The following DNAJC25 variants were observed in gnomAD, a reference collection of about 807,000 sequenced individuals.
DNAJC25 encodes dnaJ homolog subfamily C member 25.
A neutral mutation model predicts 42.1 loss-of-function variants in DNAJC25; 26 were observed. The ratio of observed to expected loss-of-function variants is 0.62; its 90% CI spans 0.45 to 0.86. The LOEUF (loss-of-function observed/expected upper bound fraction) is 0.86, where lower values mean the gene tolerates loss of function less well. Ranked by LOEUF, DNAJC25 falls within the 40% of genes least tolerant of loss-of-function variation. The pLI is 0.00. For missense variants in DNAJC25, 404 were observed against 459.4 expected (o/e 0.88, Z 1.10); for synonymous variants, 189 against 179.9 (o/e 1.05, Z -0.40).
chr9:111,646,315 A>T (rs1830567413), intron 1 of DNAJC25, among the ~76,000 whole-genome samples: 3 of 152,202 alleles, frequency 2.0e-5, no homozygotes, highest in Non-Finnish European at 4.4e-5. Flanking sequence ...ATCAGAGAAT[A>T]TATTTTTTTA....
Position 111,649,736 on chromosome 9 carries a change from C to T in DNAJC25, c.773C>T (p.Ser258Leu), listed in dbSNP as rs771739888. 3.7e-6 allele frequency: 6 copies of T among 1,613,864 alleles called. No individual in the cohort carries two copies. The highest frequency in any genetic ancestry group is 1.3e-5 in the African/African-American group (1 of 74,884). ...QIILAPFHLC[S>L]YIVWYCRWIY... The stretch of plus-strand genomic sequence containing the variant: ...ATCTTAGCTCCTTTTCACCTATGCT[C>T]ATATATAGTTTGGTATTGTCGGTGG... Residue 258 changes from serine to leucine, a missense_variant, in exon 3 of 4, where the codon TCA becomes TTA. Transcript: ENST00000313525.
intron 3 of DNAJC25, among the ~76,000 whole-genome samples, chr9:111,650,230 G>T (rs994445353): frequency 4.0e-5 from 6 of 151,442 alleles, no homozygotes; most frequent in East Asian, 1.9e-4. Context: ...AACAACTTTT[G>T]GGTAACTGCA....
At chr9:111,650,719 C>T (rs1830646009) in intron 3 of DNAJC25, among the ~76,000 whole-genome samples, 1 of 152,102 alleles carries the variant, frequency 6.6e-6, no homozygotes, top group Non-Finnish European at 1.5e-5. Flanking sequence ...TGGTCTCAAA[C>T]TCCTGAGCTC....
chr9:111,642,756 G>A (rs1178184574), intron 1 of DNAJC25: 1 of 425,170 alleles, frequency 2.4e-6, no homozygotes. Flanking sequence ...TTGCCTCTGG[G>A]GAGGGGGGAT....
chr9:111,647,721 G>A (rs1253924154), intron 2 of DNAJC25, among the ~76,000 whole-genome samples: 1 of 152,130 alleles, frequency 6.6e-6, no homozygotes, highest in Non-Finnish European at 1.5e-5. Flanking sequence ...CCCCTTTAAG[G>A]GTGCTTCTGC....
chr9:111,632,877 T>A (rs1467564984), intron 1 of DNAJC25, among the ~76,000 whole-genome samples: 1 of 152,094 alleles, frequency 6.6e-6, no homozygotes, highest in East Asian at 1.9e-4. Context: ...TTTGGAGTCA[T>A]AAAATGAGTG....
chr9:111,650,593 C>T (rs893395117), intron 3 of DNAJC25, among the ~76,000 whole-genome samples: 1 of 152,126 alleles, frequency 6.6e-6, no homozygotes, highest in Non-Finnish European at 1.5e-5. Flanking sequence ...GTTTTAGATT[C>T]AGGATAAAAT....
intron 3 of DNAJC25, 68 bp downstream of exon 3, chr9:111,649,991 A>G (rs1195749239): frequency 5.1e-6 from 7 of 1,368,418 alleles, no homozygotes; most frequent in Non-Finnish European, 6.8e-6. Context: ...GTGTATTATA[A>G]TGAGGGATCA....
intron 1 of DNAJC25, among the ~76,000 whole-genome samples, chr9:111,632,806 G>C (rs527892651): frequency 5.9e-4 from 89 of 151,834 alleles, no homozygotes; most frequent in Non-Finnish European, 5.7e-4. Context: ...TGTTTTTCCA[G>C]AGCTGAAAAT....
chr9:111,645,243 C>A (rs1049390524), intron 1 of DNAJC25, among the ~76,000 whole-genome samples: 1 of 148,826 alleles, frequency 6.7e-6, no homozygotes, highest in Non-Finnish European at 1.5e-5. Context: ...AATGATCTCA[C>A]ACAGATTCAA....
At chr9:111,642,611 A>G (rs1209456702) in intron 1 of DNAJC25, among the ~76,000 whole-genome samples, 1 of 142,312 alleles carries the variant, frequency 7.0e-6, no homozygotes, top group Non-Finnish European at 1.5e-5. Flanking sequence ...ATCAATAAAT[A>G]AATAAATAAA....
At position 111,649,932 on chromosome 9, in the gene DNAJC25, TCACC is replaced by T. The variant is rs764169536; in HGVS notation, c.960+11_960+14del. 22 of 1,548,322 alleles carry T rather than the reference TCACC, an allele frequency of 1.4e-5. No individual in the cohort carries two copies. The highest frequency in any genetic ancestry group is 1.6e-5 in the Non-Finnish European group (19 of 1,154,762). On this transcript the variant is annotated intron_variant, in intron 3 of 3. Transcript: ENST00000313525. ...TCAAGGAGAATTATGAGGTGAGTAG[TCACC>T]CTGCTGTGATTTAAGTGTCATCCAC...
chr9:111,633,760 A>C (rs917094119), intron 1 of DNAJC25, among the ~76,000 whole-genome samples: 3 of 152,168 alleles, frequency 2.0e-5, no homozygotes, highest in African/African-American at 7.2e-5. Context: ...GGAGAGACTG[A>C]TCAGTGCCCC....
chr9:111,647,889 C>T (rs1219360254), intron 2 of DNAJC25, among the ~76,000 whole-genome samples: 2 of 152,204 alleles, frequency 1.3e-5, no homozygotes, highest in East Asian at 1.9e-4. Flanking sequence ...AGCGATTCCC[C>T]TGCCTCAGCC....
At chr9:111,636,657 CA>C (rs1830366459) in intron 1 of DNAJC25, among the ~76,000 whole-genome samples, 1 of 152,110 alleles carries the variant, frequency 6.6e-6, no homozygotes, top group African/African-American at 2.4e-5. Flanking sequence ...TGCTGATAAA[CA>C]ACCAAATTAA....
chr9:111,644,263 C>T (rs1389124591), intron 1 of DNAJC25, among the ~76,000 whole-genome samples: 1 of 152,102 alleles, frequency 6.6e-6, no homozygotes. Context: ...ATTAGGGGAC[C>T]TTGAACAGAT....
At chr9:111,633,340 G>T (rs1474983843) in intron 1 of DNAJC25, among the ~76,000 whole-genome samples, 1 of 152,154 alleles carries the variant, frequency 6.6e-6, no homozygotes, top group Non-Finnish European at 1.5e-5. Context: ...TGAGTGTCAG[G>T]AATGCAGTAG....
intron 1 of DNAJC25, among the ~76,000 whole-genome samples, chr9:111,644,571 A>G (rs1428928149): frequency 1.3e-5 from 2 of 152,224 alleles, no homozygotes; most frequent in Non-Finnish European, 2.9e-5. Flanking sequence ...TACTCCATAT[A>G]CTTCAACCAG....
At position 111,631,695 on chromosome 9, in the gene DNAJC25, C is replaced by A; in HGVS notation, c.288C>A (p.Ser96Arg). 1.3e-6 allele frequency: 2 copies of A among 1,525,470 alleles called. No homozygotes were observed. The highest frequency in any genetic ancestry group is 1.8e-6 in the Non-Finnish European group (2 of 1,142,660). 94.5% of individuals were successfully genotyped at this position (1,525,470 alleles called of 1,614,324 possible). Residue 96 changes from serine to arginine, a missense_variant, in exon 1 of 4, where the codon AGC (serine) becomes AGA (arginine). Coordinates refer to ENST00000313525, the MANE Select transcript of DNAJC25 (RefSeq NM_001015882.3). ...AGGGCCCCGGGCGGACGCCGCAGAG[C>A]GCCGAGGAGGCTTTCCTGCTGGTGG... ...GDEGPGRTPQ[S>R]AEEAFLLVAT...
Sources: gnomAD v4.1 joint callset for allele counts (sites outside exome capture counted in the v4.1 genomes callset) on GRCh38, gnomAD v4.1.1 for gene constraint, MANE v1.5 for transcripts, NCBI Gene and HGNC (gene_info 2026-07-23, HGNC 2026-07-21) for gene names.